Variants in FHIT observed in about 807,000 individuals in gnomAD.
FHIT encodes the protein fragile histidine triad diadenosine triphosphatase.
A neutral mutation model predicts 17.9 loss-of-function variants in FHIT; 19 were observed. The ratio of observed to expected loss-of-function variants is 1.06; its 90% CI spans 0.74 to 1.56. FHIT has a LOEUF of 1.56. Ranked by LOEUF, FHIT falls within the 40% of genes most tolerant of loss-of-function variation. The pLI is 0.00. For missense variants in FHIT, 248 were observed against 189.2 expected, an observed-to-expected ratio of 1.31 and a Z score of -1.82; for synonymous variants, 81 against 69.7, an observed-to-expected ratio of 1.16 and a Z score of -0.81.
intron 2 of FHIT, among the ~76,000 whole-genome samples, chr3:61,168,991 C>T (rs138323588): frequency 3.3e-5 from 5 of 152,234 alleles, no homozygotes; most frequent in Non-Finnish European, 4.4e-5. Flanking sequence ...TGGTCATCCC[C>T]AATTAGTGGG....
intron 8 of FHIT, among the ~76,000 whole-genome samples, chr3:59,794,332 A>G (rs1352207097): frequency 1.3e-5 from 2 of 152,240 alleles, no homozygotes; most frequent in African/African-American, 2.4e-5. Flanking sequence ...GGACACGAAC[A>G]TTACCACAAC....
At chr3:60,058,090 C>T (rs545781179) in intron 5 of FHIT, among the ~76,000 whole-genome samples, 20 of 144,634 alleles carry the variant, frequency 1.4e-4, no homozygotes, top group East Asian at 2.1e-4. Flanking sequence ...GAAAGTAGTC[C>T]GGGGAATAGG....
At chr3:60,803,567 T>C (rs1209265184) in intron 4 of FHIT, among the ~76,000 whole-genome samples, 1 of 152,126 alleles carries the variant, frequency 6.6e-6, no homozygotes, top group Non-Finnish European at 1.5e-5. Context: ...GCCTTTTATG[T>C]GGAAAGTTAC....
chr3:60,609,987 G>A (rs1576965994), intron 4 of FHIT, among the ~76,000 whole-genome samples: 1 of 152,194 alleles, frequency 6.6e-6, no homozygotes, highest in Non-Finnish European at 1.5e-5. Context: ...TCTCTAACCA[G>A]CTAATCGGTA....
chr3:60,067,627 A>G (rs1702574516), intron 5 of FHIT, among the ~76,000 whole-genome samples: 1 of 152,180 alleles, frequency 6.6e-6, no homozygotes, highest in Non-Finnish European at 1.5e-5. Context: ...GTGGATATTG[A>G]TCTGGGAAGA....
chr3:60,043,673 C>CAGATAGAT (rs56288645), intron 5 of FHIT, among the ~76,000 whole-genome samples: 53,484 of 123,572 alleles, frequency 0.43, 10,486 homozygotes, highest in Middle Eastern at 0.63. Flanking sequence ...TATAGATAGA[C>CAGATAGAT]AGATAGATAG....
At chr3:59,774,733 A>C (rs1702227484) in intron 8 of FHIT, among the ~76,000 whole-genome samples, 1 of 152,150 alleles carries the variant, frequency 6.6e-6, no homozygotes, top group Non-Finnish European at 1.5e-5. Flanking sequence ...CCAGCTGTTT[A>C]AGCACAGTTA....
At chr3:60,614,976 C>T (rs1450076096) in intron 4 of FHIT, among the ~76,000 whole-genome samples, 3 of 151,676 alleles carry the variant, frequency 2.0e-5, no homozygotes, top group Non-Finnish European at 2.9e-5. Flanking sequence ...ACTACAGGCG[C>T]CCACAACCAC....
intron 5 of FHIT, among the ~76,000 whole-genome samples, chr3:60,476,770 G>A (rs2033365923): frequency 6.6e-6 from 1 of 152,058 alleles, no homozygotes; most frequent in Non-Finnish European, 1.5e-5. Context: ...GAACGGGAAT[G>A]TGAAAACTCA....
intron 4 of FHIT, among the ~76,000 whole-genome samples, chr3:60,804,681 T>G (rs1553733423): frequency 6.6e-6 from 1 of 152,244 alleles, no homozygotes; most frequent in East Asian, 1.9e-4. Context: ...TTGCATAAGC[T>G]GCATTTTAGT....
chr3:59,755,211 C>G (rs899188827), intron 8 of FHIT, among the ~76,000 whole-genome samples: 6 of 152,168 alleles, frequency 3.9e-5, no homozygotes, highest in Non-Finnish European at 7.3e-5. Context: ...TATGCTCTGT[C>G]CATGGGATGT....
At chr3:61,125,498 G>A (rs528921727) in intron 2 of FHIT, among the ~76,000 whole-genome samples, 28 of 152,276 alleles carry the variant, frequency 1.8e-4, no homozygotes, top group Admixed American at 1.6e-3. Context: ...CCTGATGGAT[G>A]ATCTGAAAAT....
chr3:61,044,025 G>A (rs1305907864), intron 2 of FHIT, among the ~76,000 whole-genome samples: 2 of 152,136 alleles, frequency 1.3e-5, no homozygotes, highest in Non-Finnish European at 2.9e-5. Context: ...CAAAGATGGG[G>A]AGAAACCAGA....
intron 4 of FHIT, among the ~76,000 whole-genome samples, chr3:60,806,624 T>C (rs1553734306): frequency 6.6e-6 from 1 of 152,252 alleles, no homozygotes; most frequent in African/African-American, 2.4e-5. Context: ...TCTCTTAAGA[T>C]ACTTAACACT....
intron 5 of FHIT, among the ~76,000 whole-genome samples, chr3:60,315,589 A>G (rs1447544432): frequency 2.6e-5 from 4 of 152,196 alleles, no homozygotes; most frequent in East Asian, 3.9e-4. Flanking sequence ...TCAACATACT[A>G]TCTGTGAAAT....
chr3:60,962,729 T>C (rs915043703), intron 3 of FHIT, among the ~76,000 whole-genome samples: 3 of 152,188 alleles, frequency 2.0e-5, no homozygotes, highest in Non-Finnish European at 2.9e-5. Flanking sequence ...TGATGGATTA[T>C]GTTTATTGAT....
At chr3:60,905,627 T>C (rs1553764355) in intron 3 of FHIT, among the ~76,000 whole-genome samples, 1 of 152,160 alleles carries the variant, frequency 6.6e-6, no homozygotes, top group Non-Finnish European at 1.5e-5. Flanking sequence ...GAACAACCAA[T>C]ATACACATAG....
At chr3:60,608,749 T>C (rs975303339) in intron 4 of FHIT, among the ~76,000 whole-genome samples, 2 of 152,162 alleles carry the variant, frequency 1.3e-5, no homozygotes, top group African/African-American at 2.4e-5. Context: ...AAATCCTAAA[T>C]TATGAACATC....
intron 5 of FHIT, among the ~76,000 whole-genome samples, chr3:60,381,530 C>CAA (rs200332079): frequency 6.6e-6 from 1 of 150,596 alleles, no homozygotes; most frequent in Admixed American, 6.6e-5. Context: ...CATAAAACAA[C>CAA]AAAAAAAAGC....
Sources: gnomAD v4.1 joint callset for allele counts (sites outside exome capture counted in the v4.1 genomes callset) on GRCh38, gnomAD v4.1.1 for gene constraint, MANE v1.5 for transcripts, NCBI Gene and HGNC (gene_info 2026-07-23, HGNC 2026-07-21) for gene names.